Variants in NAALADL2 observed in about 807,000 individuals in gnomAD.
NAALADL2 encodes the protein inactive N-acetylated-alpha-linked acidic dipeptidase-like protein 2.
In NAALADL2, 76 loss-of-function variants were observed where a neutral mutation model predicts 87.2. The ratio of observed to expected loss-of-function variants is 0.87; its 90% CI spans 0.72 to 1.05. The LOEUF (loss-of-function observed/expected upper bound fraction) is 1.05, where lower values mean the gene tolerates loss of function less well. NAALADL2 is among the 50% of genes least tolerant of loss of function. The pLI is 0.00. For missense variants in NAALADL2, 1,089 were observed against 945.8 expected (o/e 1.15, Z -1.99); for synonymous variants, 354 against 331.0 (o/e 1.07, Z -0.75).
chr3:174,679,002 G>T (rs1247159406), intron 2 of NAALADL2, among the ~76,000 whole-genome samples: 1 of 151,928 alleles, frequency 6.6e-6, no homozygotes, highest in Non-Finnish European at 1.5e-5. Context: ...TCTTTTTGTT[G>T]TTACTGTGCT....
At chr3:174,792,184 G>A (rs1717540385) in intron 3 of NAALADL2, among the ~76,000 whole-genome samples, 1 of 151,790 alleles carries the variant, frequency 6.6e-6, no homozygotes, top group African/African-American at 2.4e-5. Context: ...TCATGCCACT[G>A]TACTCCAGCC....
intron 3 of NAALADL2, among the ~76,000 whole-genome samples, chr3:174,815,771 C>T (rs1315744173): frequency 6.7e-6 from 1 of 149,124 alleles, no homozygotes; most frequent in Non-Finnish European, 1.5e-5. Context: ...ATTCTATGCC[C>T]TTTTGTCACT....
At chr3:174,685,126 G>T (rs1459977853) in intron 2 of NAALADL2, among the ~76,000 whole-genome samples, 2 of 151,930 alleles carry the variant, frequency 1.3e-5, no homozygotes, top group African/African-American at 2.4e-5. Context: ...TATATCCTAC[G>T]CTCAGATCTC....
At chr3:175,177,698 C>T (rs1040313469) in intron 2 of NAALADL2, among the ~76,000 whole-genome samples, 3 of 152,038 alleles carry the variant, frequency 2.0e-5, no homozygotes, top group African/African-American at 7.2e-5. Context: ...ATAATAGGTC[C>T]TAGTATATCC....
Position 174,885,262 on chromosome 3 carries a change from T to C in NAALADL2, c.43+25812T>C, listed in dbSNP as rs1729947565. On this transcript the variant is annotated intron_variant, in intron 1 of 13. Transcript: ENST00000454872. ...CACTCGCATGATAAGATCTTGTGTC[T>C]GTTTTTCCACAATTTCAGCTCTTTG... Among the ~76,000 whole-genome samples, 3 of 152,308 alleles carry C rather than the reference T, an allele frequency of 2.0e-5. No homozygotes were observed. In the South Asian group the frequency reaches 6.2e-4, roughly 32 times the overall value.
chr3:174,474,242 A>G (rs1717084069), intron 1 of NAALADL2, among the ~76,000 whole-genome samples: 1 of 152,202 alleles, frequency 6.6e-6, no homozygotes, highest in Non-Finnish European at 1.5e-5. Context: ...ACATATTTCT[A>G]CTGAAAATTT....
At chr3:175,801,429 C>A (rs533770431) in intron 13 of NAALADL2, among the ~76,000 whole-genome samples, 33 of 152,148 alleles carry the variant, frequency 2.2e-4, no homozygotes, top group Admixed American at 8.5e-4. Flanking sequence ...ATACTCTGAT[C>A]TTACAAAAAT....
intron 3 of NAALADL2, among the ~76,000 whole-genome samples, chr3:174,788,017 G>A (rs1028081507): frequency 6.6e-6 from 1 of 152,010 alleles, no homozygotes; most frequent in Non-Finnish European, 1.5e-5. Flanking sequence ...AGATAGATGA[G>A]TAGTTAGATG....
intron 1 of NAALADL2, among the ~76,000 whole-genome samples, chr3:175,080,320 T>C (rs996641769): frequency 6.6e-6 from 1 of 152,250 alleles, no homozygotes; most frequent in African/African-American, 2.4e-5. Context: ...GATATCTTAG[T>C]TAACATAACT....
At chr3:175,607,898 A>AACACAC (rs759390811) in intron 10 of NAALADL2, among the ~76,000 whole-genome samples, 18 of 109,442 alleles carry the variant, frequency 1.6e-4, no homozygotes, top group African/African-American at 2.8e-4. Flanking sequence ...GGTGACATGG[A>AACACAC]ACACACACAC....
At position 175,311,743 on chromosome 3, in the gene NAALADL2, C is replaced by T. The variant is rs1758396216; in HGVS notation, c.940-12432C>T. 2.6e-5 allele frequency among the ~76,000 whole-genome samples: 4 copies of T among 151,224 alleles called. No homozygotes were observed. The South Asian group carries it at 6.3e-4, about 24-fold the overall frequency. ...CCTTCCTTCCTTCTTTCCTCCCTCC[C>T]TTCTTCCTTCCTGAATTATGATAAA... On this transcript the variant is annotated intron_variant, in intron 4 of 13. Transcript: ENST00000454872.
intron 4 of NAALADL2, among the ~76,000 whole-genome samples, chr3:175,312,038 A>G (rs1207663415): frequency 6.6e-6 from 1 of 152,156 alleles, no homozygotes; most frequent in Non-Finnish European, 1.5e-5. Flanking sequence ...TTTTAAAACT[A>G]ACAAAGAAAA....
At chr3:174,827,975 G>A (rs1220169135) in intron 3 of NAALADL2, among the ~76,000 whole-genome samples, 4 of 152,236 alleles carry the variant, frequency 2.6e-5, no homozygotes, top group South Asian at 2.1e-4. Context: ...TTGAGGCCAG[G>A]AGTTTGAGAG....
intron 5 of NAALADL2, among the ~76,000 whole-genome samples, chr3:175,424,200 C>T (rs1029419618): frequency 5.9e-5 from 9 of 152,224 alleles, no homozygotes; most frequent in Non-Finnish European, 1.0e-4. Context: ...TTGTCCCATT[C>T]TGTAGGTTGC....
chr3:174,910,733 G>A (rs4527385), intron 1 of NAALADL2, among the ~76,000 whole-genome samples: 34,532 of 151,806 alleles, frequency 0.23, 4,190 homozygotes, highest in East Asian at 0.34. Context: ...TTTGTTAATT[G>A]ATGGCCACTT....
intron 3 of NAALADL2, among the ~76,000 whole-genome samples, chr3:174,809,610 C>CT (rs754717964): frequency 6.6e-6 from 1 of 151,504 alleles, no homozygotes; most frequent in Non-Finnish European, 1.5e-5. Flanking sequence ...AAAGTGGCCT[C>CT]ATATATAACT....
At chr3:174,575,757 G>A (rs1715458190) in intron 2 of NAALADL2, among the ~76,000 whole-genome samples, 1 of 152,116 alleles carries the variant, frequency 6.6e-6, no homozygotes, top group African/African-American at 2.4e-5. Context: ...ATGCATTTCA[G>A]CTGTACATTT....
intron 2 of NAALADL2, among the ~76,000 whole-genome samples, chr3:174,581,694 A>T (rs1449406868): frequency 6.6e-6 from 1 of 152,192 alleles, no homozygotes; most frequent in African/African-American, 2.4e-5. Context: ...TTCTCTTGCC[A>T]GGCATATGAT....
chr3:174,922,851 G>T (rs1471390241), intron 1 of NAALADL2, among the ~76,000 whole-genome samples: 1 of 152,116 alleles, frequency 6.6e-6, no homozygotes, highest in African/African-American at 2.4e-5. Flanking sequence ...ATTTCTTATT[G>T]CTGATGTTAT....
Sources: allele counts gnomAD v4.1 joint callset (sites outside exome capture counted in the v4.1 genomes callset), GRCh38; gene constraint gnomAD v4.1.1; transcripts MANE v1.5; gene names NCBI Gene and HGNC (gene_info 2026-07-23, HGNC 2026-07-21).